The following SLC18A1 variants were observed in gnomAD, a reference collection of about 807,000 sequenced individuals.
SLC18A1 encodes the protein solute carrier family 18 member A1, also known as chromaffin granule amine transporter.
SLC18A1 carries 69 observed loss-of-function variants against 53.7 expected under a neutral mutation model. The ratio of observed to expected loss-of-function variants is 1.28; its 90% CI spans 1.06 to 1.57. The LOEUF is 1.57. SLC18A1 is among the 40% of genes most tolerant of loss of function. SLC18A1 has a pLI of 0.00. For missense variants in SLC18A1, 932 were observed against 668.1 expected (o/e 1.40, Z -4.35); for synonymous variants, 320 against 248.1 (o/e 1.29, Z -2.72).
In SLC18A1 at chr8:20,147,386, A is replaced by C. The variant is rs760764641; in HGVS notation, c.1336T>G (p.Ser446Ala). Residue 446 changes from serine (S) to alanine (A), a missense_variant, in exon 15 of 16, where the codon TCC becomes GCC. Transcript: ENST00000276373. ...GCCTTTACAATGGCACCACCGGTGG[A>C]TGGACCTGGGAGGGATACATCAAAG... is the stretch of plus-strand genomic sequence containing the variant. ...AFCMGFAIGPSTGGAIVKAIG... is the reference protein window; with the variant it reads ...AFCMGFAIGPATGGAIVKAIG... 26 of 1,608,630 alleles carry C rather than the reference A, an allele frequency of 1.6e-5. No individual in the cohort carries two copies. The highest frequency in any genetic ancestry group is 2.1e-5 in the Non-Finnish European group (25 of 1,177,996).
intron 10 of SLC18A1, among the ~76,000 whole-genome samples, chr8:20,152,381 T>A (rs1023280803): frequency 2.0e-5 from 3 of 152,212 alleles, no homozygotes; most frequent in Non-Finnish European, 2.9e-5. Flanking sequence ...GTCAGACTAT[T>A]TGCAGAATCC....
At chr8:20,165,234 C>T in intron 8 of SLC18A1, 127 bp from the exon 9 acceptor site, 1 of 780,344 alleles carries the variant, frequency 1.3e-6, no homozygotes, top group Non-Finnish European at 2.1e-6. Flanking sequence ...ACTGCAGAGA[C>T]CAGGAACCCC....
At chr8:20,170,239 T>A (rs577796205) in intron 8 of SLC18A1, among the ~76,000 whole-genome samples, 2 of 152,192 alleles carry the variant, frequency 1.3e-5, no homozygotes, top group African/African-American at 2.4e-5. Flanking sequence ...ACTCTAAAAG[T>A]ATTGATTATG....
intron 1 of SLC18A1, among the ~76,000 whole-genome samples, chr8:20,182,330 C>T (rs746948225): frequency 9.3e-5 from 12 of 128,802 alleles, no homozygotes; most frequent in Non-Finnish European, 1.8e-4. Flanking sequence ...GATTATTAAG[C>T]GGCTCTTAAA....
At chr8:20,183,015 C>T (rs1170665624) in intron 1 of SLC18A1, 48 bp downstream of exon 1, 1 of 152,166 alleles carries the variant, frequency 6.6e-6, no homozygotes, top group Non-Finnish European at 1.5e-5. Flanking sequence ...GACAGAGACA[C>T]AAATCACAAG....
In SLC18A1 at chr8:20,150,763, C is replaced by G. The variant is rs753677094; in HGVS notation, c.1016-19G>C. The G allele has an allele frequency of 2.5e-6, 4 of 1,609,544 alleles. No homozygotes were observed. Among genetic ancestry groups the G allele is most frequent in the East Asian group, 2.2e-5 (1 of 44,858 alleles). On this transcript the variant is annotated intron_variant, in intron 10 of 15. Coordinates refer to ENST00000276373, the MANE Select transcript of SLC18A1 (RefSeq NM_003053.4). ...GCTAGACCTGTGGAAGGACACAGATCCTTACCTTAGGACATGTCCAATTTA... is the reference window on the plus strand; with the variant it reads ...GCTAGACCTGTGGAAGGACACAGATGCTTACCTTAGGACATGTCCAATTTA...
chr8:20,179,100 G>A (rs2072337588), intron 3 of SLC18A1, 21 bp downstream of exon 3: 7 of 1,599,500 alleles, frequency 4.4e-6, no homozygotes, highest in East Asian at 2.2e-5. Flanking sequence ...ACCCTGCGGG[G>A]CACTGCACCC....
chr8:20,169,310 T>G (rs1458889748), intron 8 of SLC18A1, among the ~76,000 whole-genome samples: 1 of 152,126 alleles, frequency 6.6e-6, no homozygotes, highest in African/African-American at 2.4e-5. Context: ...TACACAGTCA[T>G]GGACTGGGCT....
In SLC18A1 at chr8:20,147,994, G is replaced by A; in HGVS notation, c.1210+13C>T. 2 of 1,613,512 alleles carry A rather than the reference G, an allele frequency of 1.2e-6. No individual in the cohort carries two copies. The highest frequency in any genetic ancestry group is 1.3e-5 in the African/African-American group (1 of 75,024). On this transcript the variant is annotated intron_variant, in intron 13 of 15. Coordinates refer to ENST00000276373, the MANE Select transcript of SLC18A1 (RefSeq NM_003053.4). The stretch of plus-strand genomic sequence containing the variant: ...TGCAGGGGCTTATTGTTTTCTTTGA[G>A]GGCACTTCTTACCTATGGCAAGGCC...
At chr8:20,181,302 A>G (rs563886902) in intron 1 of SLC18A1, among the ~76,000 whole-genome samples, 102 of 152,342 alleles carry the variant, frequency 6.7e-4, no homozygotes, top group Non-Finnish European at 1.2e-3. Flanking sequence ...ATAAATCCAG[A>G]TAAAAATAGA....
Position 20,164,965 on chromosome 8 carries a change from C to T in SLC18A1, c.920-1G>A. ...CCCATGTTGGCAAAGCAGATGGACCCTGGGGAGACTGTTCTGTGAGCAGCC... is the reference window on the plus strand; with the variant it reads ...CCCATGTTGGCAAAGCAGATGGACCTTGGGGAGACTGTTCTGTGAGCAGCC... On this transcript the variant is annotated splice_acceptor_variant, in intron 9 of 15. Coordinates refer to ENST00000276373, the MANE Select transcript of SLC18A1 (RefSeq NM_003053.4). LOFTEE classifies it high-confidence loss of function. 1 of 1,613,950 alleles carries T rather than the reference C, an allele frequency of 6.2e-7. No homozygotes were observed. The highest frequency in any genetic ancestry group is 8.5e-7 in the Non-Finnish European group (1 of 1,179,898).
chr8:20,176,090 C>T (rs917810672), intron 4 of SLC18A1, among the ~76,000 whole-genome samples: 34 of 152,172 alleles, frequency 2.2e-4, no homozygotes, highest in African/African-American at 8.2e-4. Context: ...CCCACCAAAT[C>T]TCATGTTGAA....
Position 20,169,700 on chromosome 8 carries a change from G to A in SLC18A1, c.858+1403C>T, listed in dbSNP as rs369353405. ...TCGAGACCAGCCTGGCCAACATGGTGAAATCCTGTCTCTACTAAAAACATA... is the reference window on the plus strand; with the variant it reads ...TCGAGACCAGCCTGGCCAACATGGTAAAATCCTGTCTCTACTAAAAACATA... On this transcript the variant is annotated intron_variant, in intron 8 of 15. Transcript: ENST00000276373. 3.5e-4 allele frequency among the ~76,000 whole-genome samples: 53 copies of A among 152,218 alleles called. No homozygotes were observed. The South Asian group carries it at 0.011, about 32-fold the overall frequency.
chr8:20,160,467 GA>G (rs1563740955), intron 10 of SLC18A1, among the ~76,000 whole-genome samples: 1 of 151,780 alleles, frequency 6.6e-6, no homozygotes, highest in East Asian at 1.9e-4. Flanking sequence ...ACCCCTGCAT[GA>G]AAAACATCTG....
Position 20,180,920 on chromosome 8 carries a change from C to T in SLC18A1, c.45G>A (p.Glu15=), listed in dbSNP as rs1179443943. The T allele has an allele frequency of 6.2e-7, 1 of 1,608,754 alleles. No homozygotes were observed. Among genetic ancestry groups the T allele is most frequent in the Non-Finnish European group, 8.5e-7 (1 of 1,177,466 alleles). The change falls in exon 2 of 16, where the codon GAG becomes GAA. Residue 15 remains glutamate (E), a synonymous_variant. Coordinates refer to ENST00000276373, the MANE Select transcript of SLC18A1 (RefSeq NM_003053.4). ...ILDAPQRLLK[E]GRASRQLVLV... is the part of the protein sequence containing the mutation. ...GCACCAGCTGCCGGGACGCTCTCCC[C>T]TCCTTCAGCAACCGCTGGGGAGCAT...
At chr8:20,166,576 A>G (rs1478598061) in intron 8 of SLC18A1, among the ~76,000 whole-genome samples, 1 of 151,456 alleles carries the variant, frequency 6.6e-6, no homozygotes, top group Non-Finnish European at 1.5e-5. Flanking sequence ...TAGGGGTGGG[A>G]GAGGGGGAGG....
chr8:20,178,601 T>C (rs1472628246), intron 3 of SLC18A1, 108 bp from the exon 4 acceptor site: 2 of 769,250 alleles, frequency 2.6e-6, no homozygotes, highest in African/African-American at 1.8e-5. Flanking sequence ...TTTGGGTGTA[T>C]GGTAAAACAT....
Position 20,161,513 on chromosome 8 carries a change from G to A in SLC18A1, c.1015+3356C>T, listed in dbSNP as rs75992125. On this transcript the variant is annotated intron_variant, in intron 10 of 15. Transcript: ENST00000276373. ...ACGTGTGTAGATTATATGCAAATAC[G>A]ATGCCATTCTATGTAAGGGACTTGA... Among the ~76,000 whole-genome samples the A allele has an allele frequency of 3.1e-3, 469 of 152,230 alleles. 5 individuals are homozygous for A. Among genetic ancestry groups the A allele is most frequent in the African/African-American group, 0.011 (457 of 41,526 alleles).
intron 10 of SLC18A1, among the ~76,000 whole-genome samples, chr8:20,157,263 C>T (rs765199054): frequency 6.6e-6 from 1 of 152,140 alleles, no homozygotes; most frequent in Non-Finnish European, 1.5e-5. Context: ...TATAATGTTA[C>T]TGCTAGATCA....
Sources: gnomAD v4.1 joint callset for allele counts (sites outside exome capture counted in the v4.1 genomes callset) on GRCh38, gnomAD v4.1.1 for gene constraint, MANE v1.5 for transcripts, NCBI Gene and HGNC (gene_info 2026-07-23, HGNC 2026-07-21) for gene names.